GGT7: variants seen among roughly 807,000 people sequenced by gnomAD.
The protein encoded by GGT7 is glutathione hydrolase 7.
Under a neutral mutation model 69.2 loss-of-function variants are expected in GGT7, and 30 were observed. The observed-to-expected ratio is 0.43, with a 90% CI of 0.32 to 0.59. GGT7 has a LOEUF of 0.59. Ranked by LOEUF, GGT7 falls within the 20% of genes least tolerant of loss-of-function variation. The pLI, the probability that GGT7 is intolerant of heterozygous loss-of-function variation, is 0.05. For synonymous variants in GGT7, 388 were observed against 391.8 expected, an observed-to-expected ratio of 0.99 and a Z score of 0.12; for missense variants, 733 against 901.1, an observed-to-expected ratio of 0.81 and a Z score of 2.39.
intron 7 of GGT7, among the ~76,000 whole-genome samples, chr20:34,859,172 A>T (rs75561252): frequency 5.1e-5 from 1 of 19,486 alleles, no homozygotes; most frequent in African/African-American, 1.2e-3. Context: ...TCCGTCTCAT[A>T]AAAAAAAAAA....
chr20:34,861,645 G>T, intron 3 of GGT7, 83 bp from the exon 4 acceptor site: 1 of 816,158 alleles, frequency 1.2e-6, no homozygotes, highest in Non-Finnish European at 1.8e-6. Context: ...CACCCCCAGT[G>T]GTGAGAGCTG....
Position 34,845,200 on chromosome 20 carries a change from G to A in GGT7, c.*128C>T. ...TTCCAGTTACTCTGGGATTGGGTTTGCTAAGCATCCCCTCTGGCCCCTGAT... is the reference window on the plus strand; with the variant it reads ...TTCCAGTTACTCTGGGATTGGGTTTACTAAGCATCCCCTCTGGCCCCTGAT... On this transcript the variant is annotated 3_prime_UTR_variant, in exon 15 of 15. Coordinates refer to ENST00000336431, the MANE Select transcript of GGT7 (RefSeq NM_178026.3). The A allele has an allele frequency of 1.6e-6, 1 of 608,462 alleles. No homozygotes were observed. Among genetic ancestry groups the A allele is most frequent in the African/African-American group, 1.9e-5 (1 of 51,346 alleles). 37.7% of individuals were successfully genotyped at this position (608,462 alleles called of 1,614,324 possible).
rs187339632 is a variant in GGT7, at chr20:34,856,664, T to C, written c.1102+142A>G. On this transcript the variant is annotated intron_variant, in intron 8 of 14. Coordinates refer to ENST00000336431, the MANE Select transcript of GGT7 (RefSeq NM_178026.3). ...AGAAGGTGGGCTGACTCTGGTTTGC[T>C]TCAACAGTTGACTGCCCAGGTAGCT... is the stretch of plus-strand genomic sequence containing the variant. 1,254 of 639,618 alleles carry C rather than the reference T, an allele frequency of 2.0e-3. 2 individuals are homozygous for C. The highest frequency in any genetic ancestry group is 2.9e-3 in the Non-Finnish European group (1,023 of 349,674). The allele number at this position is 639,618 out of a possible 1,614,324, so 39.6% of individuals were successfully genotyped here.
chr20:34,850,909 A>T, intron 13 of GGT7: 1 of 633,496 alleles, frequency 1.6e-6, no homozygotes, highest in Non-Finnish European at 3.0e-6. Flanking sequence ...CTGGTTGTCT[A>T]TTCAGATGCT....
chr20:34,863,427 C>G lies in GGT7; in HGVS notation c.291G>C (p.Ala97=), dbSNP rs781413741. 1 of 1,613,460 alleles carries G rather than the reference C, an allele frequency of 6.2e-7. No homozygotes were observed. Among genetic ancestry groups the G allele is most frequent in the African/African-American group, 1.3e-5 (1 of 74,946 alleles). The part of the protein sequence containing the change: ...ETRKDPFSAA[A]AECSCRQDGL... ...CATCCTGGCGGCAGGAGCACTCGGCCGCTGCGGCGGAGAACGGGTCTTTGC... is the reference window on the plus strand; with the variant it reads ...CATCCTGGCGGCAGGAGCACTCGGCGGCTGCGGCGGAGAACGGGTCTTTGC... The change falls in exon 2 of 15, where the codon GCG becomes GCC. Residue 97 remains alanine (A), a synonymous_variant. Coordinates refer to ENST00000336431, the MANE Select transcript of GGT7 (RefSeq NM_178026.3). The surrounding 1 kb of genome is among the most constrained non-coding windows in gnomAD (Gnocchi z 4.4).
chr20:34,868,636 C>T (rs1184874280), intron 1 of GGT7, among the ~76,000 whole-genome samples: 5 of 152,154 alleles, frequency 3.3e-5, no homozygotes, highest in African/African-American at 1.2e-4. Flanking sequence ...TCATCCCTGA[C>T]CAAAGTATAT....
rs953202460 is a variant in GGT7, at chr20:34,852,395, A to G, written c.1463T>C (p.Met488Thr). Residue 488 changes from methionine to threonine, a missense_variant, in exon 11 of 15, where the codon ATG becomes ACG. Coordinates refer to ENST00000336431, the MANE Select transcript of GGT7 (RefSeq NM_178026.3). ...IMGPDDFIVA[M>T]VSSLNQPFGS... The stretch of plus-strand genomic sequence containing the variant: ...TGAGTCTGAGCTGGCATACCTAACC[A>G]TGGCCACAATGAAGTCATCAGGTCC... 2 of 1,614,038 alleles carry G rather than the reference A, an allele frequency of 1.2e-6. No homozygotes were observed. Among genetic ancestry groups the G allele is most frequent in the African/African-American group, 1.3e-5 (1 of 75,022 alleles).
At chr20:34,858,362 C>G (rs924887878) in intron 7 of GGT7, among the ~76,000 whole-genome samples, 3 of 152,142 alleles carry the variant, frequency 2.0e-5, no homozygotes, top group Admixed American at 6.6e-5. Context: ...GAATCTAAAG[C>G]CAGTAATCTC....
At chr20:34,847,353 A>G (rs2079318199) in intron 14 of GGT7, among the ~76,000 whole-genome samples, 1 of 152,108 alleles carries the variant, frequency 6.6e-6, no homozygotes, top group Non-Finnish European at 1.5e-5. Flanking sequence ...AATAAGACAA[A>G]TCAGGTCATG....
At chr20:34,849,085 G>A (rs2079345186) in intron 14 of GGT7, among the ~76,000 whole-genome samples, 2 of 151,310 alleles carry the variant, frequency 1.3e-5, no homozygotes, top group Non-Finnish European at 1.5e-5. Flanking sequence ...ACCCACTCCT[G>A]CCCTGAGTTC....
At chr20:34,861,410 TC>T (rs1353580172) in intron 4 of GGT7, 34 bp downstream of exon 4, 1 of 1,050,436 alleles carries the variant, frequency 9.5e-7, no homozygotes. Context: ...GAAGAGAGAC[TC>T]CCCTGAACTC....
chr20:34,856,890 G>C lies in GGT7; in HGVS notation c.1018C>G (p.Gln340Glu). ...NLTLEMVAEA[Q>E]HAGGVITEED... is the part of the protein sequence containing the mutation. ...TCGGTTATGACACCCCCTGCGTGCT[G>C]AGCCTGGAGGGAAGAGAATGAGGGA... Residue 340 changes from glutamine to glutamate, a missense_variant, in exon 8 of 15, where the codon CAG becomes GAG. Physicochemically the swap from Gln to Glu is conservative, Grantham distance 29 (BLOSUM62 2). Transcript: ENST00000336431. 6.3e-7 allele frequency: 1 copy of C among 1,599,402 alleles called. No individual in the cohort carries two copies.
At chr20:34,860,449 A>C in intron 4 of GGT7, 128 bp from the exon 5 acceptor site, 1 of 723,966 alleles carries the variant, frequency 1.4e-6, no homozygotes, top group South Asian at 1.5e-5. Flanking sequence ...CAAGTATCCC[A>C]GGGGAGGGAC....
At chr20:34,847,947 T>A (rs1410482305) in intron 14 of GGT7, among the ~76,000 whole-genome samples, 2 of 152,026 alleles carry the variant, frequency 1.3e-5, no homozygotes, top group Non-Finnish European at 2.9e-5. Context: ...AAAAATTAGC[T>A]GGGTGTGGTG....
intron 10 of GGT7, 128 bp downstream of exon 10, chr20:34,854,403 G>A: frequency 3.2e-6 from 2 of 624,664 alleles, no homozygotes; most frequent in South Asian, 3.8e-5. Context: ...GTCACGTTGT[G>A]AGTTGGGGTT....
chr20:34,869,635 G>T (rs551972535), intron 1 of GGT7, among the ~76,000 whole-genome samples: 1 of 152,278 alleles, frequency 6.6e-6, no homozygotes, highest in South Asian at 2.1e-4. Context: ...TGATGACAGG[G>T]ATGATGAGTA....
chr20:34,849,993 G>T lies in GGT7; in HGVS notation c.1793C>A (p.Pro598Gln). 6.2e-7 allele frequency: 1 copy of T among 1,613,352 alleles called. No homozygotes were observed. The highest frequency in any genetic ancestry group is 1.1e-5 in the South Asian group (1 of 91,080). ...SDSLARGRLH[P>Q]DLQSNLLQVD... ...CTGCAGGAGGTTGGACTGCAGGTCC[G>T]GGTGTAGGCGGCCGCGGGCCAGGCT... The change falls in exon 14 of 15, where the codon CCG becomes CAG. Residue 598 changes from proline to glutamine, a missense_variant. Physicochemically the swap from Pro to Gln is moderately conservative, Grantham distance 76. Transcript: ENST00000336431.
chr20:34,854,954 G>A lies in GGT7; in HGVS notation c.1103-31C>T, dbSNP rs761214079. 3.7e-6 allele frequency: 6 copies of A among 1,609,712 alleles called. No homozygotes were observed. In the African/African-American group the frequency reaches 8.0e-5, roughly 22 times the overall value. On this transcript the variant is annotated intron_variant, in intron 8 of 14. Transcript: ENST00000336431. ...AGGACAGGAAGTGACTGATGGCAGG[G>A]TAGGGGTCAAGGCACCTTCACATCC...
At position 34,845,157 on chromosome 20, in the gene GGT7, GCCT is replaced by G. The variant is rs2079281531; in HGVS notation, c.*168_*170del. 7.7e-6 allele frequency: 2 copies of G among 258,518 alleles called. No individual in the cohort carries two copies. Among genetic ancestry groups the G allele is most frequent in the African/African-American group, 6.0e-5 (2 of 33,088 alleles). 16.0% of individuals were successfully genotyped at this position (258,518 alleles called of 1,614,324 possible). ...ACCACCACCACCACCACCACCACAG[GCCT>G]CCTGATGGAGAATTTTCCAGTTACT... On this transcript the variant is annotated 3_prime_UTR_variant, in exon 15 of 15. Coordinates refer to ENST00000336431, the MANE Select transcript of GGT7 (RefSeq NM_178026.3).
Sources: gnomAD v4.1 joint callset for allele counts (sites outside exome capture counted in the v4.1 genomes callset) on GRCh38, gnomAD v4.1.1 for gene constraint, Gnocchi (gnomAD v3.1) non-coding constraint, MANE v1.5 for transcripts, NCBI Gene and HGNC (gene_info 2026-07-23, HGNC 2026-07-21) for gene names.